Variants in RAP1B observed in about 807,000 individuals in gnomAD.
RAP1B encodes the protein RAP1B, member of RAS oncogene family.
A neutral mutation model predicts 27.5 loss-of-function variants in RAP1B; 1 was observed. That is an observed-to-expected ratio of 0.04 (90% CI 0.01 to 0.17). The LOEUF is 0.17. RAP1B is among the 10% of genes least tolerant of loss of function. The pLI, the probability that RAP1B is intolerant of heterozygous loss-of-function variation, is 1.00. For synonymous variants in RAP1B, 75 were observed against 73.1 expected, an observed-to-expected ratio of 1.03 and a Z score of -0.13; for missense variants, 84 against 214.8, an observed-to-expected ratio of 0.39 and a Z score of 3.81.
chr12:68,651,404 T>C (rs1873806695), intron 3 of RAP1B, among the ~76,000 whole-genome samples: 1 of 152,190 alleles, frequency 6.6e-6, no homozygotes, highest in Non-Finnish European at 1.5e-5. Flanking sequence ...TGGAAACTTT[T>C]GCACCCCAGC....
In RAP1B at chr12:68,650,473, A is replaced by G. The variant is rs1873735763; in HGVS notation, c.126+5A>G. The stretch of plus-strand genomic sequence containing the variant: ...ATAGAAGATTCTTATAGAAAGGTAT[A>G]TATTACTTTGGAAGGCCTTTTGCTT... On this transcript the variant is annotated splice_donor_5th_base_variant and intron_variant, in intron 3 of 7. Transcript: ENST00000250559. 6.7e-7 allele frequency: 1 copy of G among 1,503,654 alleles called. No individual in the cohort carries two copies. Among genetic ancestry groups the G allele is most frequent in the Admixed American group, 2.4e-5 (1 of 42,496 alleles). 93.1% of individuals were successfully genotyped at this position (1,503,654 alleles called of 1,614,324 possible).
rs1871596629 is a variant in RAP1B at position 68,624,320 on chromosome 12, TTAAA to T, written c.-27+13280_-27+13283del. ...CAAACACTAACATTTTTTTAAATGT[TTAAA>T]TATTGAGAGCTCATAACTACAGTTT... is the stretch of plus-strand genomic sequence containing the variant. On this transcript the variant is annotated intron_variant, in intron 1 of 7. Transcript: ENST00000250559. Among the ~76,000 whole-genome samples the T allele has an allele frequency of 2.0e-5, 3 of 152,170 alleles. No individual in the cohort carries two copies. In the South Asian group the frequency reaches 6.2e-4, roughly 32 times the overall value.
In RAP1B at chr12:68,657,082, C is replaced by G. The variant is rs1186802128; in HGVS notation, c.469-19C>G. 2 of 1,601,246 alleles carry G rather than the reference C, an allele frequency of 1.2e-6. No individual in the cohort carries two copies. The highest frequency in any genetic ancestry group is 1.7e-6 in the Non-Finnish European group (2 of 1,170,462). Reference sequence around the variant, plus strand: ...TAGGTGTTCCTCCTGTAAATTAAAACAAATTATTGTATTTGCAGATCTTTT... The same window carrying G: ...TAGGTGTTCCTCCTGTAAATTAAAAGAAATTATTGTATTTGCAGATCTTTT... On this transcript the variant is annotated intron_variant, in intron 6 of 7. Coordinates refer to ENST00000250559, the MANE Select transcript of RAP1B (RefSeq NM_001010942.3).
rs1283960354 is a variant in RAP1B, at chr12:68,667,525, G to C, written c.*8276G>C. 6.6e-6 allele frequency: 1 copy of C among 152,056 alleles called. No individual in the cohort carries two copies. The highest frequency in any genetic ancestry group is 1.5e-5 in the Non-Finnish European group (1 of 68,010). The allele number at this position is 152,056 out of a possible 1,614,324, so 9.4% of individuals were successfully genotyped here. On this transcript the variant is annotated 3_prime_UTR_variant, in exon 8 of 8. Coordinates refer to ENST00000250559, the MANE Select transcript of RAP1B (RefSeq NM_001010942.3). ...GTTAGTACATTCAGCGTTAGGGTTG[G>C]GTTTCTTGTCTCTGTAATCACTTCT...
chr12:68,644,945 C>T lies in RAP1B; in HGVS notation c.-26-3754C>T, dbSNP rs752645267. On this transcript the variant is annotated intron_variant, in intron 1 of 7. Transcript: ENST00000250559. ...GGTCCAGCTGGTCCAGTGATCCAAC[C>T]GCCTCGGCCTCCCAAAGTGCTGGGA... Among the ~76,000 whole-genome samples, 12 of 151,988 alleles carry T rather than the reference C, an allele frequency of 7.9e-5. 1 individual carries two copies. Among genetic ancestry groups the T allele is most frequent in the African/African-American group, 7.2e-5 (3 of 41,406 alleles).
rs954185658 is a variant in RAP1B at position 68,657,384 on chromosome 12, C to T, written c.*30+167C>T. 2.5e-5 allele frequency: 12 copies of T among 476,110 alleles called. No homozygotes were observed. The South Asian group carries it at 4.0e-4, about 16-fold the overall frequency. 29.5% of individuals were successfully genotyped at this position (476,110 alleles called of 1,614,324 possible). ...GCTATCTTATTAATTATTTACTTAT[C>T]ATCATGAGTAAAGTATTTCACATAA... On this transcript the variant is annotated intron_variant, in intron 7 of 7. Transcript: ENST00000250559.
At position 68,662,500 on chromosome 12, in the gene RAP1B, T is replaced by C. The variant is rs1403723173; in HGVS notation, c.*3251T>C. ...ATAAAATGAAGTTTTGCCGTTTTTT[T>C]TTTTAAATCATTCCGTCTTTAGTTG... On this transcript the variant is annotated 3_prime_UTR_variant, in exon 8 of 8. Coordinates refer to ENST00000250559, the MANE Select transcript of RAP1B (RefSeq NM_001010942.3). 6.6e-6 allele frequency: 1 copy of C among 152,132 alleles called. No homozygotes were observed. 9.4% of individuals were successfully genotyped at this position (152,132 alleles called of 1,614,324 possible).
chr12:68,613,408 AGG>A (rs1202454887), intron 1 of RAP1B, among the ~76,000 whole-genome samples: 17 of 149,638 alleles, frequency 1.1e-4, no homozygotes, highest in African/African-American at 2.7e-4. Flanking sequence ...AAAAAAAAAA[AGG>A]AGATAAGAAA....
In RAP1B at chr12:68,632,442, A is replaced by T. The variant is rs534324960; in HGVS notation, c.-26-16257A>T. On this transcript the variant is annotated intron_variant, in intron 1 of 7. Transcript: ENST00000250559. ...AGCCACTATGCCCAGCCAAACAAAA[A>T]TTTTTTTTAATTAACAAAGCAAAAT... is the stretch of plus-strand genomic sequence containing the variant. Among the ~76,000 whole-genome samples the T allele has an allele frequency of 2.0e-4, 30 of 152,096 alleles. No individual in the cohort carries two copies. The South Asian group carries it at 5.8e-3, about 30-fold the overall frequency.
At position 68,627,316 on chromosome 12, in the gene RAP1B, G is replaced by A. The variant is rs1479008941; in HGVS notation, c.-27+16273G>A. 5.1e-6 allele frequency: 4 copies of A among 781,204 alleles called. No individual in the cohort carries two copies. The East Asian group carries it at 7.3e-5, about 14-fold the overall frequency. The allele number at this position is 781,204 out of a possible 1,614,324, so 48.4% of individuals were successfully genotyped here. On this transcript the variant is annotated intron_variant, in intron 1 of 7. Coordinates refer to ENST00000250559, the MANE Select transcript of RAP1B (RefSeq NM_001010942.3). ...ACTACCAAGGAAGCTGCTGTTTGCA[G>A]CCATTGCACACTGGGCCCCCCCATG...
chr12:68,643,029 C>G (rs3814237), intron 1 of RAP1B: 196,263 of 756,984 alleles, frequency 0.26, 28,696 homozygotes, highest in Non-Finnish European at 0.32. Flanking sequence ...TGCCCACGGT[C>G]CACTGCAGCC....
chr12:68,647,564 T>G (rs913471144), intron 1 of RAP1B, among the ~76,000 whole-genome samples: 29 of 150,946 alleles, frequency 1.9e-4, no homozygotes, highest in Admixed American at 1.8e-3. Flanking sequence ...TACACTGCTC[T>G]TTTTTTCCCT....
rs796286462 is a variant in RAP1B, at chr12:68,632,129, G to GTT, written c.-26-16555_-26-16554dup. Among the ~76,000 whole-genome samples, 561 of 104,306 alleles carry GTT rather than the reference G, an allele frequency of 5.4e-3. 7 individuals are homozygous for GTT. Among genetic ancestry groups the GTT allele is most frequent in the African/African-American group, 0.011 (267 of 23,316 alleles). 68.4% of individuals were successfully genotyped at this position (104,306 alleles called of 152,430 possible). On this transcript the variant is annotated intron_variant, in intron 1 of 7. Coordinates refer to ENST00000250559, the MANE Select transcript of RAP1B (RefSeq NM_001010942.3). ...AAACAGTTTTTTGGGTTTTGGATTT[G>GTT]TTTTTTTTTTTTTTTTGTTTGTTTT...
intron 1 of RAP1B, among the ~76,000 whole-genome samples, chr12:68,632,470 C>T (rs1049894966): frequency 5.3e-5 from 8 of 151,994 alleles, no homozygotes; most frequent in Admixed American, 6.6e-5. Flanking sequence ...AGCAAAATTA[C>T]TTGTGCCTTT....
intron 1 of RAP1B, among the ~76,000 whole-genome samples, chr12:68,646,591 T>TA (rs1474406096): frequency 1.6e-4 from 24 of 152,326 alleles, no homozygotes; most frequent in Middle Eastern, 3.4e-3. Context: ...CCCGGCCCAC[T>TA]ACAACTAGTT....
intron 7 of RAP1B, 69 bp downstream of exon 7, chr12:68,657,286 C>A: frequency 1.1e-6 from 1 of 912,496 alleles, no homozygotes; most frequent in Non-Finnish European, 1.7e-6. Context: ...GTCATGAAAG[C>A]AAGTATAGAC....
rs1477272766 is a variant in RAP1B at position 68,671,410 on chromosome 12, G to A, written c.*12161G>A. 1 of 152,200 alleles carries A rather than the reference G, an allele frequency of 6.6e-6. No individual in the cohort carries two copies. The highest frequency in any genetic ancestry group is 1.5e-5 in the Non-Finnish European group (1 of 68,022). 9.4% of individuals were successfully genotyped at this position (152,200 alleles called of 1,614,324 possible). A position where few individuals can be genotyped will look rare whatever the true frequency, so the allele number is the denominator to read the frequency against. ...GCCACACTCTAGAAGGAAAAACAGA[G>A]TGCATGCCCATCAATAGAATAGTTG... On this transcript the variant is annotated 3_prime_UTR_variant, in exon 8 of 8. Coordinates refer to ENST00000250559, the MANE Select transcript of RAP1B (RefSeq NM_001010942.3).
chr12:68,613,021 C>T (rs1870715605), intron 1 of RAP1B, among the ~76,000 whole-genome samples: 1 of 152,112 alleles, frequency 6.6e-6, no homozygotes, highest in Non-Finnish European at 1.5e-5. Flanking sequence ...AGAACCAATG[C>T]TAAACTGACT....
chr12:68,621,189 G>A (rs1049624195), intron 1 of RAP1B, among the ~76,000 whole-genome samples: 3 of 152,170 alleles, frequency 2.0e-5, no homozygotes, highest in African/African-American at 7.2e-5. Context: ...ACTCCTGCCT[G>A]CATGTGCTAA....
Sources: gnomAD v4.1 joint callset for allele counts (sites outside exome capture counted in the v4.1 genomes callset) on GRCh38, gnomAD v4.1.1 for gene constraint, MANE v1.5 for transcripts, NCBI Gene and HGNC (gene_info 2026-07-23, HGNC 2026-07-21) for gene names.